TRAPPC14: variants seen among roughly 807,000 people sequenced by gnomAD.
The protein encoded by TRAPPC14 is microtubule associated protein 11.
Under a neutral mutation model 56.6 loss-of-function variants are expected in TRAPPC14, and 24 were observed. The observed-to-expected ratio is 0.42, with a 90% confidence interval of 0.31 to 0.60. The LOEUF (loss-of-function observed/expected upper bound fraction) is 0.60, where lower values mean the gene tolerates loss of function less well. Among genes scored for constraint, TRAPPC14 ranks in the 20% least tolerant of loss-of-function variants. The pLI, the probability that TRAPPC14 is intolerant of heterozygous loss-of-function variation, is 0.14. For synonymous variants in TRAPPC14, 377 were observed against 347.0 expected (o/e 1.09, Z -0.96); for missense variants, 615 against 790.3 (o/e 0.78, Z 2.66).
At position 100,156,493 on chromosome 7, in the gene TRAPPC14, G is replaced by T; in HGVS notation, c.1133C>A (p.Ser378Tyr). The change falls in exon 8 of 11, where the codon TCC becomes TAC. Residue 378 changes from serine (S) to tyrosine (Y), a missense_variant. By Grantham distance (144) the Ser-to-Tyr change is moderately radical. Coordinates refer to ENST00000316937, the MANE Select transcript of TRAPPC14 (RefSeq NM_018275.5). ...GAAACGCTCGTAGGTCCGAACAGGG[G>T]ACTTACAAGAAGCGGTCATCACAAA... ...PCFVMTASCKSPVRTYERFTV... is the reference protein window; with the variant it reads ...PCFVMTASCKYPVRTYERFTV... 2 of 1,614,166 alleles carry T rather than the reference G, an allele frequency of 1.2e-6. No individual in the cohort carries two copies. The highest frequency in any genetic ancestry group is 1.7e-6 in the Non-Finnish European group (2 of 1,180,020).
chr7:100,155,981 C>T lies in TRAPPC14; in HGVS notation c.1241-156G>A, dbSNP rs58244784. 9.6e-3 allele frequency: 9,351 copies of T among 969,246 alleles called. 472 individuals carry two copies. The East Asian group carries it at 0.13, about 14-fold the overall frequency. 60.0% of individuals were successfully genotyped at this position (969,246 alleles called of 1,614,324 possible). On this transcript the variant is annotated intron_variant, in intron 8 of 10. Transcript: ENST00000316937. ...ATGTTGTAGATAACAACAGCTAATA[C>T]GTACTGTGTGCAAGGCACGTCACGT...
chr7:100,155,363 G>A lies in TRAPPC14; in HGVS notation c.1488C>T (p.Pro496=), dbSNP rs1798854493. Residue 496 remains proline, a synonymous_variant, in exon 10 of 11, where the codon CCC becomes CCT. Transcript: ENST00000316937. ...EARPLSRKSS[P]SSPAVRDLVE... ...CCAAGTCCCGGACAGCAGGGCTGCTGGGGCTGCTCTTGCGGGAGAGGGGCC... is the reference window on the plus strand; with the variant it reads ...CCAAGTCCCGGACAGCAGGGCTGCTAGGGCTGCTCTTGCGGGAGAGGGGCC... 6.4e-7 allele frequency: 1 copy of A among 1,550,478 alleles called. No homozygotes were observed. The highest frequency in any genetic ancestry group is 8.7e-7 in the Non-Finnish European group (1 of 1,147,372).
chr7:100,155,716 G>T lies in TRAPPC14; in HGVS notation c.1350C>A (p.Leu450=). 1.2e-6 allele frequency: 2 copies of T among 1,613,832 alleles called. No individual in the cohort carries two copies. Among genetic ancestry groups the T allele is most frequent in the Non-Finnish European group, 8.5e-7 (1 of 1,179,820 alleles). The part of the protein sequence containing the change: ...NLGFSRKGSA[L]TFSVAFQALR... Reference sequence around the variant, plus strand: ...GAGCCTGGAAGGCCACACTGAAGGTGAGCGCGCTGCCCTTCCGGGAAAAGC... The same window carrying T: ...GAGCCTGGAAGGCCACACTGAAGGTTAGCGCGCTGCCCTTCCGGGAAAAGC... Residue 450 remains leucine (L), a synonymous_variant, in exon 9 of 11, where the codon CTC becomes CTA. Coordinates refer to ENST00000316937, the MANE Select transcript of TRAPPC14 (RefSeq NM_018275.5).
chr7:100,157,482 G>A, intron 3 of TRAPPC14, 23 bp from the exon 4 acceptor site: 1 of 1,609,296 alleles, frequency 6.2e-7, no homozygotes. Context: ...GTGGGGGCAA[G>A]AAGTGATGGT....
In TRAPPC14 at chr7:100,158,399, C is replaced by T. The variant is rs1257301173; in HGVS notation, c.101G>A (p.Arg34Gln). The T allele has an allele frequency of 1.4e-6, 2 of 1,464,032 alleles. No individual in the cohort carries two copies. The highest frequency in any genetic ancestry group is 1.8e-6 in the Non-Finnish European group (2 of 1,108,672). 90.7% of individuals were successfully genotyped at this position (1,464,032 alleles called of 1,614,324 possible). The change falls in exon 1 of 11, where the codon CGG becomes CAG. Residue 34 changes from arginine (R) to glutamine (Q), a missense_variant. Transcript: ENST00000316937. The stretch of plus-strand genomic sequence containing the variant: ...CTCCCCCAAGTACAGATGGTTGCGC[C>T]GGGGCAGCGCCCGGTACCGGCCCGG... ...GDPGRYRALP[R>Q]RNHLYLGETV...
chr7:100,154,958 C>T lies in TRAPPC14; in HGVS notation c.*53G>A, dbSNP rs1254272019. 14 of 1,599,300 alleles carry T rather than the reference C, an allele frequency of 8.8e-6. No individual in the cohort carries two copies. The East Asian group carries it at 2.5e-4, about 28-fold the overall frequency. Reference sequence around the variant, plus strand: ...GGCACAGCCCGGGAGCAGGGATCCCCTCTGGGGGCGTTGGGTCTCTGGAGT... The same window carrying T: ...GGCACAGCCCGGGAGCAGGGATCCCTTCTGGGGGCGTTGGGTCTCTGGAGT... On this transcript the variant is annotated 3_prime_UTR_variant, in exon 11 of 11. Coordinates refer to ENST00000316937, the MANE Select transcript of TRAPPC14 (RefSeq NM_018275.5).
Position 100,156,441 on chromosome 7 carries a change from A to AT in TRAPPC14, c.1184dup (p.Asn395LysfsTer25). On this transcript the variant is annotated frameshift_variant, in exon 8 of 11. Transcript: ENST00000316937. LOFTEE classifies it high-confidence loss of function. ...GCCTCACAGCAAGGAAGTCTTGGAG[A>AT]TTGTTAAGCAGCGTGTAGGTGACAG... The AT allele has an allele frequency of 6.2e-7, 1 of 1,614,096 alleles. No individual in the cohort carries two copies. The highest frequency in any genetic ancestry group is 8.5e-7 in the Non-Finnish European group (1 of 1,180,028).
In TRAPPC14 at chr7:100,157,112, A is replaced by C; in HGVS notation, c.827T>G (p.Leu276Arg). The stretch of plus-strand genomic sequence containing the variant: ...ACCTCACCAGACATTGTCCACCAGC[A>C]GCACAGAGCCATCGGGCATGACAGG... ...YLPVMPDGSV[L>R]LVDNVCHQSG... is the part of the protein sequence containing the mutation. Residue 276 changes from leucine (L) to arginine (R), a missense_variant, in exon 5 of 11, where the codon CTG (leucine) becomes CGG (arginine). By Grantham distance (102) the Leu-to-Arg change is moderately radical. Coordinates refer to ENST00000316937, the MANE Select transcript of TRAPPC14 (RefSeq NM_018275.5). 1 of 1,614,196 alleles carries C rather than the reference A, an allele frequency of 6.2e-7. No individual in the cohort carries two copies. Among genetic ancestry groups the C allele is most frequent in the East Asian group, 2.2e-5 (1 of 44,878 alleles).
chr7:100,157,520 G>A, intron 3 of TRAPPC14, 61 bp from the exon 4 acceptor site: 4 of 1,606,586 alleles, frequency 2.5e-6, no homozygotes, highest in Non-Finnish European at 3.4e-6. Flanking sequence ...CTCCAACCCA[G>A]AATTCTCACC....
rs372856460 is a variant in TRAPPC14, at chr7:100,156,735, G to C, written c.994-19C>G. The stretch of plus-strand genomic sequence containing the variant: ...CCAGGCCCTGCAGGAGGGACAAAGG[G>C]GGTTGGCACAGGTATTAAGAGTGCC... On this transcript the variant is annotated intron_variant, in intron 6 of 10. Coordinates refer to ENST00000316937, the MANE Select transcript of TRAPPC14 (RefSeq NM_018275.5). The C allele has an allele frequency of 1.4e-5, 23 of 1,605,712 alleles. No homozygotes were observed. The highest frequency in any genetic ancestry group is 2.0e-5 in the Non-Finnish European group (23 of 1,175,684).
At chr7:100,156,153 T>C in intron 8 of TRAPPC14, 2 of 613,348 alleles carry the variant, frequency 3.3e-6, no homozygotes, top group East Asian at 5.6e-5. Flanking sequence ...CACCAGCGAG[T>C]GCAGCTCCAG....
intron 5 of TRAPPC14, 23 bp from the exon 6 acceptor site, chr7:100,157,015 G>A (rs1798895379): frequency 6.2e-7 from 1 of 1,614,054 alleles, no homozygotes; most frequent in African/African-American, 1.3e-5. Context: ...AGAGGACAAG[G>A]CATGGTCTCC....
At chr7:100,156,316 C>T (rs910261745) in intron 8 of TRAPPC14, 70 bp downstream of exon 8, 3 of 1,554,370 alleles carry the variant, frequency 1.9e-6, no homozygotes, top group Non-Finnish European at 2.6e-6. Flanking sequence ...TTTCACTGTC[C>T]TGCCTCCCTG....
rs755522676 is a variant in TRAPPC14 at position 100,156,536 on chromosome 7, G to A, written c.1090C>T (p.Arg364Cys). The A allele has an allele frequency of 2.7e-5, 44 of 1,614,006 alleles. No individual in the cohort carries two copies. The highest frequency in any genetic ancestry group is 1.6e-4 in the Middle Eastern group (1 of 6,084). ...IYTHYRLPSV[R>C]LDRPCFVMTA... ...ATCACAAAACACGGGCGGTCCAAGC[G>A]GACACTGGGCAGGCTAGGAGTGGTG... The change falls in exon 8 of 11, where the codon CGC becomes TGC. Residue 364 changes from arginine (R) to cysteine (C), a missense_variant. Physicochemically the swap from Arg to Cys is radical, Grantham distance 180. Coordinates refer to ENST00000316937, the MANE Select transcript of TRAPPC14 (RefSeq NM_018275.5).
In TRAPPC14 at chr7:100,157,089, C is replaced by A. The variant is rs1440908832; in HGVS notation, c.845+5G>T. On this transcript the variant is annotated splice_donor_5th_base_variant and intron_variant, in intron 5 of 10. Transcript: ENST00000316937. Reference sequence around the variant, plus strand: ...TTCACAGCCTCGCCCCTCCCAGGACCTCACCAGACATTGTCCACCAGCAGC... The same window carrying A: ...TTCACAGCCTCGCCCCTCCCAGGACATCACCAGACATTGTCCACCAGCAGC... The A allele has an allele frequency of 6.2e-7, 1 of 1,614,168 alleles. No homozygotes were observed. Among genetic ancestry groups the A allele is most frequent in the South Asian group, 1.1e-5 (1 of 91,068 alleles).
chr7:100,158,285 C>T lies in TRAPPC14; in HGVS notation c.215G>A (p.Trp72Ter). ...GGCCAGGGCGGTTGCCAGTTCTGCC[C>T]AGGCTCCTCTGGAGCCCAAGCCCGG... The part of the protein sequence containing the change: ...GGPGLGSRGA[W>*]AELATALAAL... The change falls in exon 1 of 11, where the codon TGG becomes TAG. Residue 72 changes from tryptophan (W) to a stop codon, truncating the protein, a stop_gained. Transcript: ENST00000316937. LOFTEE classifies it high-confidence loss of function. 1 of 1,488,130 alleles carries T rather than the reference C, an allele frequency of 6.7e-7. No homozygotes were observed. Among genetic ancestry groups the T allele is most frequent in the South Asian group, 1.3e-5 (1 of 79,316 alleles). The allele number at this position is 1,488,130 out of a possible 1,614,324, so 92.2% of individuals were successfully genotyped here. A position where few individuals can be genotyped will look rare whatever the true frequency, so the allele number is the denominator to read the frequency against.
chr7:100,156,793 C>T, intron 6 of TRAPPC14, 52 bp downstream of exon 6: 1 of 1,604,916 alleles, frequency 6.2e-7, no homozygotes, highest in South Asian at 1.1e-5. Flanking sequence ...CTGGTCTTTC[C>T]CTCCCACTGC....
At position 100,157,098 on chromosome 7, in the gene TRAPPC14, C is replaced by T; in HGVS notation, c.841G>A (p.Val281Ile). The change falls in exon 5 of 11, where the codon GTC (valine) becomes ATC (isoleucine). Residue 281 changes from valine to isoleucine, a missense_variant. Coordinates refer to ENST00000316937, the MANE Select transcript of TRAPPC14 (RefSeq NM_018275.5). ...PDGSVLLVDNVCHQSGEVSMG... is the reference protein window; with the variant it reads ...PDGSVLLVDNICHQSGEVSMG... ...TCGCCCCTCCCAGGACCTCACCAGA[C>T]ATTGTCCACCAGCAGCACAGAGCCA... is the stretch of plus-strand genomic sequence containing the variant. 4.3e-6 allele frequency: 7 copies of T among 1,614,192 alleles called. No individual in the cohort carries two copies. The highest frequency in any genetic ancestry group is 1.7e-5 in the Admixed American group (1 of 60,020).
At position 100,156,455 on chromosome 7, in the gene TRAPPC14, T is replaced by G; in HGVS notation, c.1171A>C (p.Thr391Pro). The change falls in exon 8 of 11, where the codon ACG becomes CCG. Residue 391 changes from threonine (T) to proline (P), a missense_variant. By Grantham distance (38) the Thr-to-Pro change is conservative. Coordinates refer to ENST00000316937, the MANE Select transcript of TRAPPC14 (RefSeq NM_018275.5). ...AAGTCTTGGAGATTGTTAAGCAGCG[T>G]GTAGGTGACAGTGAAACGCTCGTAG... The part of the protein sequence containing the change: ...RTYERFTVTY[T>P]LLNNLQDFLA... The G allele has an allele frequency of 6.2e-7, 1 of 1,614,152 alleles. No homozygotes were observed. Among genetic ancestry groups the G allele is most frequent in the Non-Finnish European group, 8.5e-7 (1 of 1,180,016 alleles).
Sources: gnomAD v4.1 joint callset for allele counts on GRCh38, gnomAD v4.1.1 for gene constraint, MANE v1.5 for transcripts, NCBI Gene and HGNC (gene_info 2026-07-23, HGNC 2026-07-21) for gene names.